The following NAALADL2 variants were observed in gnomAD, a reference collection of about 807,000 sequenced individuals.
NAALADL2 encodes N-acetylated alpha-linked acidic dipeptidase like 2.
In NAALADL2, 76 loss-of-function variants were observed where a neutral mutation model predicts 87.2. That is an observed-to-expected ratio of 0.87 (90% CI 0.72 to 1.05). The LOEUF (loss-of-function observed/expected upper bound fraction) is 1.05, where lower values mean the gene tolerates loss of function less well. Among genes scored for constraint, NAALADL2 ranks in the 50% least tolerant of loss-of-function variants. The pLI, the probability that NAALADL2 is intolerant of heterozygous loss-of-function variation, is 0.00. For synonymous variants in NAALADL2, 354 were observed against 331.0 expected, an observed-to-expected ratio of 1.07 and a Z score of -0.75; for missense variants, 1,089 against 945.8, an observed-to-expected ratio of 1.15 and a Z score of -1.99.
intron 2 of NAALADL2, among the ~76,000 whole-genome samples, chr3:175,167,261 A>G (rs866780829): frequency 3.3e-4 from 50 of 152,228 alleles, no homozygotes; most frequent in African/African-American, 1.2e-3. Context: ...ATAACACTTT[A>G]TTTACAAAAA....
chr3:175,324,515 T>A (rs952330466), intron 5 of NAALADL2, among the ~76,000 whole-genome samples, 190 bp downstream of exon 5: 5 of 152,254 alleles, frequency 3.3e-5, no homozygotes, highest in Non-Finnish European at 7.3e-5. Flanking sequence ...ATAAATTGGA[T>A]TTAGACTGTA....
intron 5 of NAALADL2, among the ~76,000 whole-genome samples, chr3:175,446,992 G>A (rs983634115): frequency 6.6e-6 from 1 of 152,098 alleles, no homozygotes. Context: ...GGAGGTAAGT[G>A]CATATGTGCA....
intron 2 of NAALADL2, among the ~76,000 whole-genome samples, chr3:174,691,182 C>T (rs1728540740): frequency 6.6e-6 from 1 of 152,182 alleles, no homozygotes; most frequent in South Asian, 2.1e-4. Context: ...GAGGCTGAGG[C>T]GTGTGGATGA....
At chr3:174,468,219 C>T (rs183567683) in intron 1 of NAALADL2, among the ~76,000 whole-genome samples, 5 of 152,214 alleles carry the variant, frequency 3.3e-5, no homozygotes, top group South Asian at 2.1e-4. Flanking sequence ...CTGGATATTA[C>T]TAGCCTAGAG....
At position 175,466,967 on chromosome 3, in the gene NAALADL2, T is replaced by G. The variant is rs368110296; in HGVS notation, c.1328-12T>G. ...ATTTTTTTAAATGGCTCTTGTCCCT[T>G]TCTATTTTCAGACCGGTATATCATA... is the stretch of plus-strand genomic sequence containing the variant. On this transcript the variant is annotated splice_polypyrimidine_tract_variant and intron_variant, in intron 7 of 13. Coordinates refer to ENST00000454872, the MANE Select transcript of NAALADL2 (RefSeq NM_207015.3). 94 of 1,600,966 alleles carry G rather than the reference T, an allele frequency of 5.9e-5. 2 individuals carry two copies. In the Middle Eastern group the frequency reaches 1.8e-3, roughly 31 times the overall value.
intron 10 of NAALADL2, among the ~76,000 whole-genome samples, chr3:175,612,104 CT>C (rs1270771545): frequency 6.6e-6 from 1 of 152,054 alleles, no homozygotes; most frequent in East Asian, 1.9e-4. Context: ...GCATTTAGCC[CT>C]TGGTAAGTAG....
chr3:175,710,258 G>C (rs1257960893), intron 11 of NAALADL2, among the ~76,000 whole-genome samples: 1 of 151,976 alleles, frequency 6.6e-6, no homozygotes, highest in Non-Finnish European at 1.5e-5. Flanking sequence ...AAGTATGAAG[G>C]TATGGTATGT....
At chr3:174,855,478 C>T (rs1725740505), upstream of NAALADL2, among the ~76,000 whole-genome samples, 1 of 152,034 alleles carries the variant, frequency 6.6e-6, no homozygotes. Flanking sequence ...TTATATCCTT[C>T]TAACTCTTAA....
At chr3:174,979,328 C>T (rs1344450110) in intron 1 of NAALADL2, among the ~76,000 whole-genome samples, 16 of 95,098 alleles carry the variant, frequency 1.7e-4, no homozygotes, top group South Asian at 1.2e-3. Flanking sequence ...TTTTTTGAGA[C>T]GGAGTCTCGC....
intron 5 of NAALADL2, among the ~76,000 whole-genome samples, chr3:175,381,410 C>G (rs968787767): frequency 2.6e-5 from 4 of 151,668 alleles, no homozygotes; most frequent in Non-Finnish European, 5.9e-5. Flanking sequence ...AATATTTTCT[C>G]TATTTAATAA....
At chr3:174,853,596 C>G (rs1335002039) in intron 3 of NAALADL2, among the ~76,000 whole-genome samples, 1 of 151,880 alleles carries the variant, frequency 6.6e-6, no homozygotes, top group African/African-American at 2.4e-5. Flanking sequence ...ACTGAAGATA[C>G]AGCCCACAGA....
chr3:174,909,636 A>G (rs976347564), intron 1 of NAALADL2, among the ~76,000 whole-genome samples: 7 of 152,134 alleles, frequency 4.6e-5, no homozygotes, highest in Admixed American at 2.0e-4. Context: ...GGGGTTACCT[A>G]CTTGGTTTCA....
intron 5 of NAALADL2, among the ~76,000 whole-genome samples, chr3:175,376,583 T>G (rs2148968316): frequency 6.6e-6 from 1 of 152,292 alleles, no homozygotes; most frequent in East Asian, 1.9e-4. Context: ...TTGGTTATGA[T>G]ATAGCTTGGT....
chr3:175,586,727 G>GA (rs1720589369), intron 10 of NAALADL2, among the ~76,000 whole-genome samples: 1 of 152,074 alleles, frequency 6.6e-6, no homozygotes. Flanking sequence ...ATTCTTATTA[G>GA]AGCATTAGAA....
At chr3:174,843,927 A>T (rs1020340095) in intron 3 of NAALADL2, among the ~76,000 whole-genome samples, 1 of 152,166 alleles carries the variant, frequency 6.6e-6, no homozygotes, top group Non-Finnish European at 1.5e-5. Flanking sequence ...GAATATTAAC[A>T]TTATGTCAGA....
At chr3:175,223,660 A>G (rs969945153) in intron 2 of NAALADL2, among the ~76,000 whole-genome samples, 1 of 152,214 alleles carries the variant, frequency 6.6e-6, no homozygotes, top group Non-Finnish European at 1.5e-5. Context: ...AAGAAAGTAT[A>G]TAAAAATTTG....
At chr3:175,446,540 T>G (rs1223562935) in intron 5 of NAALADL2, among the ~76,000 whole-genome samples, 1 of 152,042 alleles carries the variant, frequency 6.6e-6, no homozygotes, top group Non-Finnish European at 1.5e-5. Context: ...CCACACCAGG[T>G]CGACACCATC....
At chr3:174,509,568 A>ATTTTTTTTTTTTTTTTTTT (rs145219498) in intron 1 of NAALADL2, among the ~76,000 whole-genome samples, 1 of 80,096 alleles carries the variant, frequency 1.2e-5, no homozygotes, top group African/African-American at 4.7e-5. Context: ...CACCCAGCTA[A>ATTTTTTTTTTTTTTTTTTT]TTTTTTTTTT....
intron 11 of NAALADL2, among the ~76,000 whole-genome samples, chr3:175,666,634 T>G (rs1312179473): frequency 6.6e-6 from 1 of 152,188 alleles, no homozygotes; most frequent in Middle Eastern, 3.2e-3. Flanking sequence ...AAATTTGTTT[T>G]ATTTGTTATC....
Sources: allele counts gnomAD v4.1 joint callset (sites outside exome capture counted in the v4.1 genomes callset), GRCh38; gene constraint gnomAD v4.1.1; transcripts MANE v1.5; gene names NCBI Gene and HGNC (gene_info 2026-07-23, HGNC 2026-07-21).